SLC35E3: variants seen among roughly 807,000 people sequenced by gnomAD.
SLC35E3 encodes the protein bladder cancer-overexpressed gene 1 protein.
SLC35E3 carries 28 observed loss-of-function variants against 30.8 expected under a neutral mutation model. The ratio of observed to expected loss-of-function variants is 0.91; its 90% CI spans 0.67 to 1.25. The LOEUF (loss-of-function observed/expected upper bound fraction) is 1.25. SLC35E3 is among the 50% of genes most tolerant of loss of function. The probability of loss-of-function intolerance (pLI) is 0.00; values close to 1 mark genes in which losing one functional copy is unlikely to be tolerated. For synonymous variants in SLC35E3, 146 were observed against 149.2 expected, an observed-to-expected ratio of 0.98 and a Z score of 0.16; for missense variants, 365 against 375.4, an observed-to-expected ratio of 0.97 and a Z score of 0.23.
In SLC35E3 at chr12:68,767,250, T is replaced by C. The variant is rs1428575664; in HGVS notation, c.*2360T>C. The stretch of plus-strand genomic sequence containing the variant: ...AATAAATTGAGACATATCATTACTC[T>C]TGTAATAATTCATTTTCTAAATGTT... On this transcript the variant is annotated 3_prime_UTR_variant, in exon 5 of 5. Coordinates refer to ENST00000398004, the MANE Select transcript of SLC35E3 (RefSeq NM_018656.5). 6.6e-6 allele frequency: 1 copy of C among 152,226 alleles called. No homozygotes were observed. Among genetic ancestry groups the C allele is most frequent in the African/African-American group, 2.4e-5 (1 of 41,462 alleles). The allele number at this position is 152,226 out of a possible 1,614,324, so 9.4% of individuals were successfully genotyped here.
At position 68,769,912 on chromosome 12, in the gene SLC35E3, G is replaced by C. The variant is rs1218009625; in HGVS notation, c.*5022G>C. 1 of 152,134 alleles carries C rather than the reference G, an allele frequency of 6.6e-6. No homozygotes were observed. The highest frequency in any genetic ancestry group is 1.5e-5 in the Non-Finnish European group (1 of 68,022). 9.4% of individuals were successfully genotyped at this position (152,134 alleles called of 1,614,324 possible). On this transcript the variant is annotated 3_prime_UTR_variant, in exon 5 of 5. Coordinates refer to ENST00000398004, the MANE Select transcript of SLC35E3 (RefSeq NM_018656.5). ...CTTAAGGAACATTTGTCTAGTATTA[G>C]AGATAGGACTAATTAAACAAAAACA...
intron 2 of SLC35E3, among the ~76,000 whole-genome samples, chr12:68,751,484 G>A (rs1878793334): frequency 6.6e-6 from 1 of 152,040 alleles, no homozygotes; most frequent in Admixed American, 6.5e-5. Flanking sequence ...AGTAGAGATA[G>A]GGTTTCACCA....
intron 2 of SLC35E3, 68 bp downstream of exon 2, chr12:68,748,108 G>A (rs1878664481): frequency 1.1e-6 from 1 of 918,142 alleles, no homozygotes; most frequent in Admixed American, 1.9e-5. Flanking sequence ...TGTATTCCAA[G>A]GTTTAGAAAA....
chr12:68,753,809 T>TACACAC (rs1229325376), intron 3 of SLC35E3, among the ~76,000 whole-genome samples: 15,671 of 148,370 alleles, frequency 0.11, 875 homozygotes, highest in East Asian at 0.19. Context: ...TATATATCCA[T>TACACAC]ACACACACAC....
chr12:68,774,285 A>C lies in SLC35E3; in HGVS notation c.*9395A>C, dbSNP rs1565722017. 1 of 151,888 alleles carries C rather than the reference A, an allele frequency of 6.6e-6. No homozygotes were observed. The highest frequency in any genetic ancestry group is 1.5e-5 in the Non-Finnish European group (1 of 68,026). The allele number at this position is 151,888 out of a possible 1,614,324, so 9.4% of individuals were successfully genotyped here. On this transcript the variant is annotated 3_prime_UTR_variant, in exon 5 of 5. Coordinates refer to ENST00000398004, the MANE Select transcript of SLC35E3 (RefSeq NM_018656.5). ...AACCTGTTCTCTGTGAATAACTTAA[A>C]AATTAGTCAGGTGGCCAGGCGTAGT...
Position 68,766,533 on chromosome 12 carries a change from A to G in SLC35E3, c.*1643A>G. On this transcript the variant is annotated 3_prime_UTR_variant, in exon 5 of 5. Transcript: ENST00000398004. ...CCCTATGTTTAAATGGCTCAAAGAA[A>G]AGACTATAAATGGAATTGAACATGT... 1 of 195,416 alleles carries G rather than the reference A, an allele frequency of 5.1e-6. No individual in the cohort carries two copies. Among genetic ancestry groups the G allele is most frequent in the Non-Finnish European group, 1.1e-5 (1 of 91,466 alleles). The allele number at this position is 195,416 out of a possible 1,614,324, so 12.1% of individuals were successfully genotyped here.
At chr12:68,762,103 G>T (rs1457693009) in intron 4 of SLC35E3, among the ~76,000 whole-genome samples, 3 of 152,098 alleles carry the variant, frequency 2.0e-5, no homozygotes, top group Non-Finnish European at 4.4e-5. Flanking sequence ...TGGGATTACA[G>T]GTGTGAGCCA....
Position 68,778,972 on chromosome 12 carries a change from G to T in SLC35E3, c.*14082G>T, listed in dbSNP as rs1000828897. ...ATACAAAAGTTAGTTGGGCGTGGTG[G>T]TGTGCCCCTGTAATCCCAGCTACTC... On this transcript the variant is annotated 3_prime_UTR_variant, in exon 5 of 5. Transcript: ENST00000398004. 6.6e-6 allele frequency: 1 copy of T among 152,192 alleles called. No individual in the cohort carries two copies. The highest frequency in any genetic ancestry group is 1.5e-5 in the Non-Finnish European group (1 of 68,122). 9.4% of individuals were successfully genotyped at this position (152,192 alleles called of 1,614,324 possible).
At position 68,775,348 on chromosome 12, in the gene SLC35E3, A is replaced by T. The variant is rs1185450501; in HGVS notation, c.*10458A>T. The T allele has an allele frequency of 2.6e-5, 4 of 152,170 alleles. No individual in the cohort carries two copies. Among genetic ancestry groups the T allele is most frequent in the South Asian group, 4.1e-4 (2 of 4,830 alleles). The allele number at this position is 152,170 out of a possible 1,614,324, so 9.4% of individuals were successfully genotyped here. On this transcript the variant is annotated 3_prime_UTR_variant, in exon 5 of 5. Transcript: ENST00000398004. ...AACTGGGTCATTTATAAAGAAAAGG[A>T]ATTTATTTCTTACAATAGTGGAGAC...
At chr12:68,748,567 TAATG>T (rs1279874022) in intron 2 of SLC35E3, among the ~76,000 whole-genome samples, 3 of 152,086 alleles carry the variant, frequency 2.0e-5, no homozygotes, top group African/African-American at 4.8e-5. Flanking sequence ...TAATTTATAT[TAATG>T]AATATTTTTC....
At chr12:68,760,465 C>CA (rs1565716722) in intron 4 of SLC35E3, among the ~76,000 whole-genome samples, 1 of 152,186 alleles carries the variant, frequency 6.6e-6, no homozygotes, top group Non-Finnish European at 1.5e-5. Context: ...TTAATTCTCA[C>CA]AGCAGCTCTG....
In SLC35E3 at chr12:68,772,431, AATC is replaced by A. The variant is rs1212338481; in HGVS notation, c.*7544_*7546del. On this transcript the variant is annotated 3_prime_UTR_variant, in exon 5 of 5. Transcript: ENST00000398004. ...AACTTATATGAGACGCATTTAATGT[AATC>A]ATATTACTTTCTTATATTAGAAGAT... 3 of 152,218 alleles carry A rather than the reference AATC, an allele frequency of 2.0e-5. No individual in the cohort carries two copies. The highest frequency in any genetic ancestry group is 7.2e-5 in the African/African-American group (3 of 41,460). 9.4% of individuals were successfully genotyped at this position (152,218 alleles called of 1,614,324 possible). A position where few individuals can be genotyped will look rare whatever the true frequency, so the allele number is the denominator to read the frequency against.
chr12:68,759,176 G>T lies in SLC35E3; in HGVS notation c.692G>T (p.Gly231Val). 6.2e-7 allele frequency: 1 copy of T among 1,612,726 alleles called. No homozygotes were observed. The highest frequency in any genetic ancestry group is 8.5e-7 in the Non-Finnish European group (1 of 1,179,000). Residue 231 changes from glycine to valine, a missense_variant, in exon 4 of 5, where the codon GGA becomes GTA. Coordinates refer to ENST00000398004, the MANE Select transcript of SLC35E3 (RefSeq NM_018656.5). ...TTGTAGCTTATGGTGCTGCTATCTG[G>T]AGTAATAGCTTTCATGGTGAACTTA... The part of the protein sequence containing the change: ...VSALLMVLLS[G>V]VIAFMVNLSI...
In SLC35E3 at chr12:68,746,647, C is replaced by T. The variant is rs1443692373; in HGVS notation, c.270C>T (p.Phe90=). The stretch of plus-strand genomic sequence containing the variant: ...TCAGCTTCTGTGGCTTTGTGGTCTT[C>T]ACTAACCTTTCTCTGCAGAACAACA... ...LALSFCGFVV[F]TNLSLQNNTI... is the part of the protein sequence containing the mutation. Residue 90 remains phenylalanine (F), a synonymous_variant, in exon 1 of 5, where the codon TTC becomes TTT. Coordinates refer to ENST00000398004, the MANE Select transcript of SLC35E3 (RefSeq NM_018656.5). 1 of 1,614,224 alleles carries T rather than the reference C, an allele frequency of 6.2e-7. No individual in the cohort carries two copies. The highest frequency in any genetic ancestry group is 1.1e-5 in the South Asian group (1 of 91,080).
At position 68,771,593 on chromosome 12, in the gene SLC35E3, G is replaced by A. The variant is rs1879602904; in HGVS notation, c.*6703G>A. 6.6e-6 allele frequency: 1 copy of A among 152,244 alleles called. No individual in the cohort carries two copies. Among genetic ancestry groups the A allele is most frequent in the Non-Finnish European group, 1.5e-5 (1 of 68,074 alleles). The allele number at this position is 152,244 out of a possible 1,614,324, so 9.4% of individuals were successfully genotyped here. A position where few individuals can be genotyped will look rare whatever the true frequency, so the allele number is the denominator to read the frequency against. ...CAACATTTTTGAGAGGCCAAGCTGG[G>A]TGGATCTCTTGAGCTCAGGAGTTCA... On this transcript the variant is annotated 3_prime_UTR_variant, in exon 5 of 5. Coordinates refer to ENST00000398004, the MANE Select transcript of SLC35E3 (RefSeq NM_018656.5).
chr12:68,750,144 T>G (rs1592534248), intron 2 of SLC35E3, among the ~76,000 whole-genome samples: 1 of 152,044 alleles, frequency 6.6e-6, no homozygotes, highest in Non-Finnish European at 1.5e-5. Context: ...TGACTGAATG[T>G]GAGAGAGAGG....
Position 68,764,557 on chromosome 12 carries a change from G to A in SLC35E3, c.756-147G>A, listed in dbSNP as rs929867771. 2.0e-5 allele frequency: 11 copies of A among 561,364 alleles called. No homozygotes were observed. In the East Asian group the frequency reaches 3.4e-4, roughly 17 times the overall value. 34.8% of individuals were successfully genotyped at this position (561,364 alleles called of 1,614,324 possible). On this transcript the variant is annotated intron_variant, in intron 4 of 4. Coordinates refer to ENST00000398004, the MANE Select transcript of SLC35E3 (RefSeq NM_018656.5). ...ACCACCTCAGCTTCCCAAAGTGCTG[G>A]GATTACAGGCATGATCCACCACGCC...
At chr12:68,764,217 G>A (rs1057114854) in intron 4 of SLC35E3, among the ~76,000 whole-genome samples, 2 of 152,210 alleles carry the variant, frequency 1.3e-5, no homozygotes, top group Non-Finnish European at 1.5e-5. Flanking sequence ...TTGGAGGTCA[G>A]TAGGAATGGT....
At position 68,746,431 on chromosome 12, in the gene SLC35E3, C is replaced by G; in HGVS notation, c.54C>G (p.Leu18=). Residue 18 remains leucine (L), a synonymous_variant, in exon 1 of 5, where the codon CTC becomes CTG. Transcript: ENST00000398004. ...GCCACTGGCGAATCGCCGCCGGGCT[C>G]CTGTTCAACCTGCTGGTGTCCATCT... ...VRGHWRIAAG[L]LFNLLVSICI... is the part of the protein sequence containing the mutation. 1.9e-6 allele frequency: 3 copies of G among 1,612,918 alleles called. No individual in the cohort carries two copies. Among genetic ancestry groups the G allele is most frequent in the Non-Finnish European group, 1.7e-6 (2 of 1,179,290 alleles).
Sources: allele counts gnomAD v4.1 joint callset (sites outside exome capture counted in the v4.1 genomes callset), GRCh38; gene constraint gnomAD v4.1.1; transcripts MANE v1.5; gene names NCBI Gene and HGNC (gene_info 2026-07-23, HGNC 2026-07-21).